Variants in GLYATL2 observed in about 807,000 individuals in gnomAD.
GLYATL2 encodes glycine N-acyltransferase-like protein 2.
A neutral mutation model predicts 21.4 loss-of-function variants in GLYATL2; 25 were observed. The observed-to-expected ratio is 1.17, with a 90% CI of 0.85 to 1.63. The LOEUF (loss-of-function observed/expected upper bound fraction) is 1.63, where lower values mean the gene tolerates loss of function less well. GLYATL2 is among the 40% of genes most tolerant of loss of function. GLYATL2 has a pLI of 0.00. For synonymous variants in GLYATL2, 114 were observed against 118.2 expected (o/e 0.96, Z 0.23); for missense variants, 361 against 343.3 (o/e 1.05, Z -0.41).
intron 1 of GLYATL2, among the ~76,000 whole-genome samples, chr11:58,843,055 A>T (rs1265456252): frequency 6.6e-6 from 1 of 152,160 alleles, no homozygotes; most frequent in Non-Finnish European, 1.5e-5. Flanking sequence ...TATACTAATT[A>T]GCTTATGGTA....
intron 1 of GLYATL2, among the ~76,000 whole-genome samples, chr11:58,881,536 T>G (rs1854334043): frequency 6.6e-6 from 1 of 152,198 alleles, no homozygotes; most frequent in African/African-American, 2.4e-5. Context: ...AAAGAAAATC[T>G]GTGCCAACTC....
intron 1 of GLYATL2, among the ~76,000 whole-genome samples, chr11:58,859,348 C>T (rs1013337005): frequency 6.6e-6 from 1 of 152,018 alleles, no homozygotes; most frequent in Non-Finnish European, 1.5e-5. Flanking sequence ...CATCCTCTCA[C>T]CTGTGTGGTT....
chr11:58,839,409 G>C, intron 2 of GLYATL2, 126 bp downstream of exon 2: 1 of 513,938 alleles, frequency 1.9e-6, no homozygotes, highest in South Asian at 4.5e-5. Context: ...TGATATTAAA[G>C]TAATCTTTGC....
In GLYATL2 at chr11:58,836,561, A is replaced by G. The variant is rs577356149; in HGVS notation, c.476+454T>C. Among the ~76,000 whole-genome samples, 231 of 140,942 alleles carry G rather than the reference A, an allele frequency of 1.6e-3. 4 individuals carry two copies. The East Asian group carries it at 0.049, about 30-fold the overall frequency. The allele number at this position is 140,942 out of a possible 152,430, so 92.5% of individuals were successfully genotyped here. On this transcript the variant is annotated intron_variant, in intron 5 of 5. Transcript: ENST00000287275. Reference sequence around the variant, plus strand: ...TGATGATATTCATTGCAGAAGTTGCAGTAAAGTGTGTATGTGTTGTAAAAA... The same window carrying G: ...TGATGATATTCATTGCAGAAGTTGCGGTAAAGTGTGTATGTGTTGTAAAAA...
chr11:58,834,926 T>C, intron 5 of GLYATL2, 89 bp from the exon 6 acceptor site: 1 of 955,240 alleles, frequency 1.0e-6, no homozygotes, highest in Non-Finnish European at 1.5e-6. Context: ...TTCCTTTCCT[T>C]AAGGACCCTA....
At chr11:58,861,271 C>T (rs774915772) in intron 1 of GLYATL2, among the ~76,000 whole-genome samples, 3 of 151,604 alleles carry the variant, frequency 2.0e-5, no homozygotes, top group Non-Finnish European at 3.0e-5. Flanking sequence ...CGTCCTTACT[C>T]ATTATTGGTT....
At chr11:58,855,651 T>A (rs1369834126) in intron 1 of GLYATL2, among the ~76,000 whole-genome samples, 1 of 152,374 alleles carries the variant, frequency 6.6e-6, no homozygotes, top group African/African-American at 2.4e-5. Context: ...AGGCATTGTC[T>A]TCCCCTTTCC....
At chr11:58,848,696 C>T (rs1000760260), upstream of GLYATL2, among the ~76,000 whole-genome samples, 2 of 152,072 alleles carry the variant, frequency 1.3e-5, no homozygotes, top group Admixed American at 1.3e-4. Flanking sequence ...CAAAACACAT[C>T]TACAGGTTAT....
At chr11:58,883,693 G>A (rs1321736895) in intron 1 of GLYATL2, among the ~76,000 whole-genome samples, 1 of 152,138 alleles carries the variant, frequency 6.6e-6, no homozygotes, top group East Asian at 1.9e-4. Context: ...TAAAAAAAGA[G>A]GGAATCTTCT....
chr11:58,850,078 C>T (rs999088914), intron 1 of GLYATL2, among the ~76,000 whole-genome samples: 2 of 152,094 alleles, frequency 1.3e-5, no homozygotes, highest in African/African-American at 4.8e-5. Flanking sequence ...AACTACAGTC[C>T]AATATTTCTG....
At chr11:58,900,828 G>GT (rs1854725100) in intron 1 of GLYATL2, among the ~76,000 whole-genome samples, 2 of 151,206 alleles carry the variant, frequency 1.3e-5, no homozygotes, top group African/African-American at 4.9e-5. Context: ...TTTCATGGAA[G>GT]CTACCATTGG....
In GLYATL2 at chr11:58,839,631, T is replaced by A. The variant is rs1192459227; in HGVS notation, c.-19A>T. On this transcript the variant is annotated 5_prime_UTR_variant, in exon 2 of 6. It adds an upstream start codon to the 5' untranslated region. Coordinates refer to ENST00000287275, the MANE Select transcript of GLYATL2 (RefSeq NM_145016.4). ...CAAGCATCTTATGTAGCACTTCAGC[T>A]TCTTTCCCTCAAGAAGATGATCTAA... The A allele has an allele frequency of 3.2e-6, 5 of 1,581,788 alleles. No individual in the cohort carries two copies. Among genetic ancestry groups the A allele is most frequent in the Non-Finnish European group, 4.3e-6 (5 of 1,155,500 alleles).
chr11:58,905,795 G>T (rs1226163278), upstream of GLYATL2: 7 of 384,512 alleles, frequency 1.8e-5, no homozygotes, highest in Non-Finnish European at 3.7e-5. Flanking sequence ...TGACCCGCCC[G>T]CGAGCGCGTG....
intron 1 of GLYATL2, among the ~76,000 whole-genome samples, chr11:58,903,204 G>T (rs11603726): frequency 0.45 from 68,311 of 151,928 alleles, 16,505 homozygotes; most frequent in Non-Finnish European, 0.55. Context: ...TTGGTGTACA[G>T]CAGTGCTGCT....
intron 1 of GLYATL2, chr11:58,840,894 AT>A (rs1180222758): frequency 9.3e-5 from 14 of 150,948 alleles, no homozygotes; most frequent in Non-Finnish European, 1.8e-4. Context: ...AATTAAAAAA[AT>A]AATAATATAA....
At chr11:58,905,247 G>T (rs537320962), upstream of GLYATL2, among the ~76,000 whole-genome samples, 1 of 152,268 alleles carries the variant, frequency 6.6e-6, no homozygotes, top group African/African-American at 2.4e-5. Context: ...CCTCCACGAA[G>T]TTGGATCATT....
At chr11:58,875,278 A>G (rs908785147) in intron 1 of GLYATL2, among the ~76,000 whole-genome samples, 1 of 152,186 alleles carries the variant, frequency 6.6e-6, no homozygotes, top group African/African-American at 2.4e-5. Context: ...TGGAGCATTT[A>G]GCCCATTTAC....
At chr11:58,848,419 A>C (rs1853681333), upstream of GLYATL2, among the ~76,000 whole-genome samples, 1 of 152,198 alleles carries the variant, frequency 6.6e-6, no homozygotes. Flanking sequence ...AGAATTCAGA[A>C]TACCTGTGTT....
chr11:58,888,000 T>C (rs948174623), intron 1 of GLYATL2, among the ~76,000 whole-genome samples: 1 of 152,198 alleles, frequency 6.6e-6, no homozygotes, highest in African/African-American at 2.4e-5. Context: ...CTGAATGTTG[T>C]CCCTTTTCAA....
Sources: allele counts gnomAD v4.1 joint callset (sites outside exome capture counted in the v4.1 genomes callset), GRCh38; gene constraint gnomAD v4.1.1; transcripts MANE v1.5; gene names NCBI Gene and HGNC (gene_info 2026-07-23, HGNC 2026-07-21).